SLC24A2: variants seen among roughly 807,000 people sequenced by gnomAD.
SLC24A2 encodes the protein solute carrier family 24 member 2.
A neutral mutation model predicts 62.0 loss-of-function variants in SLC24A2; 36 were observed. The observed-to-expected ratio is 0.58, with a 90% CI of 0.44 to 0.77. The LOEUF (loss-of-function observed/expected upper bound fraction) is 0.77, where lower values mean the gene tolerates loss of function less well. Among genes scored for constraint, SLC24A2 ranks in the 30% least tolerant of loss-of-function variants. The probability of loss-of-function intolerance (pLI) is 0.00; values close to 1 mark genes in which losing one functional copy is unlikely to be tolerated. For synonymous variants in SLC24A2, 358 were observed against 294.0 expected (o/e 1.22, Z -2.23); for missense variants, 846 against 817.9 (o/e 1.03, Z -0.42).
chr9:20,249,220 T>C, the SLC24A2 span, among the ~76,000 whole-genome samples: 2 of 152,238 alleles, frequency 1.3e-5, no homozygotes, highest in Admixed American at 6.5e-5. Context: ...ATAGTTCATA[T>C]TGACCTTTAG....
In SLC24A2 at chr9:19,786,361, C is replaced by T; in HGVS notation, c.506G>A (p.Gly169Asp). ...PSLTVITEKL[G>D]ISDDVAGATF... Reference sequence around the variant, plus strand: ...GGCTCCAGCCACATCATCAGAGATGCCCAGTTTTTCAGTGATGACAGTCAA... The same window carrying T: ...GGCTCCAGCCACATCATCAGAGATGTCCAGTTTTTCAGTGATGACAGTCAA... Residue 169 changes from glycine (G) to aspartate (D), a missense_variant, in exon 2 of 11, where the codon GGC becomes GAC. Coordinates refer to ENST00000341998, the MANE Select transcript of SLC24A2 (RefSeq NM_020344.4). The surrounding 1 kb of genome is among the most constrained non-coding windows in gnomAD (Gnocchi z 5.0). The T allele has an allele frequency of 1.2e-6, 2 of 1,614,144 alleles. No homozygotes were observed. The highest frequency in any genetic ancestry group is 1.7e-6 in the Non-Finnish European group (2 of 1,180,026).
the SLC24A2 span, among the ~76,000 whole-genome samples, chr9:19,911,562 C>T: frequency 6.6e-6 from 1 of 152,164 alleles, no homozygotes; most frequent in African/African-American, 2.4e-5. Flanking sequence ...GTTGTGGAAT[C>T]AGGCATCAGA....
At chr9:19,837,188 C>T in the SLC24A2 span, among the ~76,000 whole-genome samples, 1 of 151,804 alleles carries the variant, frequency 6.6e-6, no homozygotes, top group African/African-American at 2.4e-5. Context: ...TGCGGTGGCT[C>T]ACGCCTGTAA....
the SLC24A2 span, among the ~76,000 whole-genome samples, chr9:20,286,930 G>A: frequency 1.3e-5 from 2 of 152,138 alleles, no homozygotes; most frequent in Non-Finnish European, 2.9e-5. Context: ...AGAATGTTAT[G>A]ATTATAAGGA....
the SLC24A2 span, among the ~76,000 whole-genome samples, chr9:20,239,698 C>A: frequency 6.6e-6 from 1 of 152,184 alleles, no homozygotes; most frequent in South Asian, 2.1e-4. Flanking sequence ...CTTAATCTCT[C>A]TGAACTTTAG....
At chr9:20,207,755 C>T in the SLC24A2 span, among the ~76,000 whole-genome samples, 1 of 152,182 alleles carries the variant, frequency 6.6e-6, no homozygotes, top group Non-Finnish European at 1.5e-5. Flanking sequence ...TCATTGAACA[C>T]TTACATGTGT....
intron 1 of SLC24A2, among the ~76,000 whole-genome samples, chr9:19,787,626 C>T (rs1037994924): frequency 1.2e-4 from 19 of 152,134 alleles, no homozygotes; most frequent in Admixed American, 3.9e-4. Flanking sequence ...TTATCAGATG[C>T]GGGAAAGTAG....
the SLC24A2 span, among the ~76,000 whole-genome samples, chr9:19,804,034 G>A: frequency 6.6e-6 from 1 of 152,174 alleles, no homozygotes; most frequent in African/African-American, 2.4e-5. Context: ...ATCTTCCGAT[G>A]TTGTGGAAAA....
intron 2 of SLC24A2, among the ~76,000 whole-genome samples, chr9:19,697,756 T>C (rs1176568686): frequency 6.6e-6 from 1 of 152,172 alleles, no homozygotes; most frequent in East Asian, 1.9e-4. Context: ...GAAGACACAA[T>C]TCATACTTTC....
the SLC24A2 span, among the ~76,000 whole-genome samples, chr9:19,947,471 A>T: frequency 6.6e-6 from 1 of 151,922 alleles, no homozygotes; most frequent in Non-Finnish European, 1.5e-5. Flanking sequence ...GCAGGAAGGC[A>T]GGAAGGAAGG....
chr9:19,792,536 CA>C (rs1165695410), upstream of SLC24A2, among the ~76,000 whole-genome samples: 31,841 of 74,826 alleles, frequency 0.43, 4,709 homozygotes, highest in Non-Finnish European at 0.52. Context: ...ACTAAAAATA[CA>C]AAAAAAAAAA....
chr9:19,918,041 A>T, the SLC24A2 span, among the ~76,000 whole-genome samples: 2 of 152,002 alleles, frequency 1.3e-5, no homozygotes, highest in African/African-American at 4.8e-5. Context: ...TGGTTTACTA[A>T]ATTGTTTTTT....
chr9:20,049,032 T>A, the SLC24A2 span, among the ~76,000 whole-genome samples: 2 of 152,196 alleles, frequency 1.3e-5, no homozygotes, highest in African/African-American at 4.8e-5. Flanking sequence ...GCTGCACCCA[T>A]CAACTCGTTT....
At chr9:19,648,650 T>C (rs1404233812) in intron 2 of SLC24A2, among the ~76,000 whole-genome samples, 2 of 152,224 alleles carry the variant, frequency 1.3e-5, no homozygotes, top group African/African-American at 4.8e-5. Flanking sequence ...ATAAGCATTA[T>C]TTAATTCTAC....
intron 2 of SLC24A2, among the ~76,000 whole-genome samples, chr9:19,685,312 T>A (rs112380532): frequency 0.022 from 3,379 of 152,256 alleles, 75 homozygotes; most frequent in East Asian, 0.093. Flanking sequence ...GAAGAATCAA[T>A]ATTGTTGAAA....
Position 19,766,803 on chromosome 9 carries a change from T to C in SLC24A2, c.930+19134A>G, listed in dbSNP as rs571685032. On this transcript the variant is annotated intron_variant, in intron 2 of 10. Transcript: ENST00000341998. ...CCACTTGAGGAGGCAGTCTGTCCCTTAGCAGAGCTCGAGTGCTGTGCTGGG... is the reference window on the plus strand; with the variant it reads ...CCACTTGAGGAGGCAGTCTGTCCCTCAGCAGAGCTCGAGTGCTGTGCTGGG... Among the ~76,000 whole-genome samples the C allele has an allele frequency of 3.9e-4, 60 of 152,306 alleles. 1 individual carries two copies. Among genetic ancestry groups the C allele is most frequent in the African/African-American group, 1.3e-3 (56 of 41,564 alleles).
chr9:20,300,366 T>C, the SLC24A2 span, among the ~76,000 whole-genome samples: 3 of 152,204 alleles, frequency 2.0e-5, no homozygotes, highest in Admixed American at 1.3e-4. Flanking sequence ...AAATAGTCAC[T>C]TAGGTTTTGT....
the SLC24A2 span, among the ~76,000 whole-genome samples, chr9:20,169,453 C>G: frequency 6.6e-6 from 1 of 151,984 alleles, no homozygotes. Context: ...GGAGACACCT[C>G]AAATACTAGC....
chr9:19,815,618 C>A, the SLC24A2 span, among the ~76,000 whole-genome samples: 1 of 152,060 alleles, frequency 6.6e-6, no homozygotes. Flanking sequence ...TAGAAAAATG[C>A]GTTATGCACA....
Sources: allele counts gnomAD v4.1 joint callset (sites outside exome capture counted in the v4.1 genomes callset), GRCh38; gene constraint gnomAD v4.1.1; non-coding constraint Gnocchi (gnomAD v3.1); transcripts MANE v1.5; gene names NCBI Gene and HGNC (gene_info 2026-07-23, HGNC 2026-07-21).